ARHGEF10: variants seen among roughly 807,000 people sequenced by gnomAD.
The protein encoded by ARHGEF10 is Rho guanine nucleotide exchange factor (GEF) 10.
Under a neutral mutation model 147.4 loss-of-function variants are expected in ARHGEF10, and 140 were observed. The observed-to-expected ratio is 0.95, with a 90% CI of 0.83 to 1.09. The LOEUF (loss-of-function observed/expected upper bound fraction) is 1.09. Ranked by LOEUF, ARHGEF10 falls within the 50% of genes least tolerant of loss-of-function variation. The pLI is 0.00. For synonymous variants in ARHGEF10, 902 were observed against 695.8 expected (o/e 1.30, Z -4.67); for missense variants, 2,222 against 1,752.7 (o/e 1.27, Z -4.78).
At position 1,880,180 on chromosome 8, in the gene ARHGEF10, C is replaced by A. The variant is rs79597896; in HGVS notation, c.960+16C>A. On this transcript the variant is annotated intron_variant, in intron 9 of 28. Coordinates refer to ENST00000349830, the MANE Select transcript of ARHGEF10 (RefSeq NM_014629.4). Reference sequence around the variant, plus strand: ...TGAACTGAAGGTAGAGTCTTGCCCCCGGCCGCTGCCCCCACTTGCCAGCCG... The same window carrying A: ...TGAACTGAAGGTAGAGTCTTGCCCCAGGCCGCTGCCCCCACTTGCCAGCCG... 4 of 1,576,918 alleles carry A rather than the reference C, an allele frequency of 2.5e-6. No individual in the cohort carries two copies. The South Asian group carries it at 4.4e-5, about 17-fold the overall frequency.
At chr8:1,838,063 C>G (rs1323229483) in intron 1 of ARHGEF10, among the ~76,000 whole-genome samples, 2 of 152,194 alleles carry the variant, frequency 1.3e-5, no homozygotes, top group Non-Finnish European at 2.9e-5. Flanking sequence ...GTCTCCTCTT[C>G]GTATGGTGGA....
intron 5 of ARHGEF10, among the ~76,000 whole-genome samples, 187 bp downstream of exon 5, chr8:1,864,623 G>A (rs549212761): frequency 1.8e-4 from 28 of 152,370 alleles, no homozygotes; most frequent in African/African-American, 6.7e-4. Flanking sequence ...GTCAGGACGA[G>A]TGGACTGAGG....
rs1813670614 is a variant in ARHGEF10, at chr8:1,937,013, G to A, written c.3222+3071G>A. The stretch of plus-strand genomic sequence containing the variant: ...CTGGGTCCTGAGCCTCCTGGAGGCC[G>A]ACGCTCTGCCGTGGATCATGAATAG... On this transcript the variant is annotated intron_variant, in intron 26 of 28. Transcript: ENST00000349830. This position sits in a 1 kb window ranked among gnomAD's most constrained non-coding sequence, Gnocchi z 4.9. Among the ~76,000 whole-genome samples the A allele has an allele frequency of 6.6e-6, 1 of 152,216 alleles. No individual in the cohort carries two copies. Among genetic ancestry groups the A allele is most frequent in the South Asian group, 2.1e-4 (1 of 4,826 alleles).
intron 4 of ARHGEF10, 58 bp downstream of exon 4, chr8:1,860,242 GC>G (rs1563191174): frequency 6.6e-7 from 1 of 1,521,288 alleles, no homozygotes; most frequent in South Asian, 1.1e-5. Context: ...TCCTCTCCAC[GC>G]CCCCGAAGTG....
chr8:1,946,039 G>T, intron 27 of ARHGEF10: 1 of 375,666 alleles, frequency 2.7e-6, no homozygotes, highest in Non-Finnish European at 5.1e-6. Context: ...CCTCCCTTTG[G>T]CTGGGAGGGC....
intron 1 of ARHGEF10, chr8:1,825,980 A>G: frequency 4.2e-6 from 3 of 719,616 alleles, no homozygotes; most frequent in Non-Finnish European, 7.0e-6. Flanking sequence ...GAAAAGAGAG[A>G]TGATTACTGA....
At chr8:1,862,747 G>C (rs1806237598) in intron 4 of ARHGEF10, among the ~76,000 whole-genome samples, 1 of 151,290 alleles carries the variant, frequency 6.6e-6, no homozygotes, top group South Asian at 2.1e-4. Context: ...GTGGCTCTTT[G>C]GGTGTTTCTT....
chr8:1,842,798 C>G (rs927525945), intron 1 of ARHGEF10, among the ~76,000 whole-genome samples: 1 of 152,224 alleles, frequency 6.6e-6, no homozygotes, highest in African/African-American at 2.4e-5. Flanking sequence ...GGGAGGGAAA[C>G]ACGAAGTGTA....
intron 27 of ARHGEF10, among the ~76,000 whole-genome samples, chr8:1,949,232 C>G (rs1273159307): frequency 6.6e-6 from 1 of 152,204 alleles, no homozygotes; most frequent in Non-Finnish European, 1.5e-5. Flanking sequence ...TCTCAGCACG[C>G]TGGCCCCTGG....
chr8:1,917,863 C>T (rs1013003771), intron 18 of ARHGEF10, among the ~76,000 whole-genome samples: 3 of 152,138 alleles, frequency 2.0e-5, no homozygotes, highest in Non-Finnish European at 2.9e-5. Context: ...CAACCTCCAC[C>T]TCCTGGGTTC....
intron 2 of ARHGEF10, among the ~76,000 whole-genome samples, chr8:1,857,604 G>C (rs563450643): frequency 1.0e-3 from 154 of 151,948 alleles, no homozygotes; most frequent in Non-Finnish European, 1.8e-3. Flanking sequence ...ATTTTTAGTA[G>C]AGATGGGGTT....
At chr8:1,945,861 G>C (rs1242139828) in intron 27 of ARHGEF10, 5 of 863,014 alleles carry the variant, frequency 5.8e-6, no homozygotes, top group Non-Finnish European at 1.8e-6. Context: ...CCGGTGCAGG[G>C]CACAGGTCCT....
intron 1 of ARHGEF10, among the ~76,000 whole-genome samples, chr8:1,832,137 T>C (rs1012462239): frequency 1.3e-5 from 2 of 152,170 alleles, no homozygotes; most frequent in African/African-American, 4.8e-5. Flanking sequence ...TGCTGGTGCC[T>C]GTCGAAGGGG....
At chr8:1,901,303 C>T (rs1292771748) in intron 15 of ARHGEF10, among the ~76,000 whole-genome samples, 1 of 152,076 alleles carries the variant, frequency 6.6e-6, no homozygotes, top group Non-Finnish European at 1.5e-5. Flanking sequence ...CTGTCCCCTT[C>T]CTCCCAGTGA....
At chr8:1,854,855 C>T (rs1324170935) in intron 2 of ARHGEF10, among the ~76,000 whole-genome samples, 1 of 152,200 alleles carries the variant, frequency 6.6e-6, no homozygotes, top group Admixed American at 6.5e-5. Context: ...GGGCGGTGAG[C>T]AGAGGTGCCG....
At chr8:1,935,189 ACC>A (rs1283410868) in intron 26 of ARHGEF10, among the ~76,000 whole-genome samples, 1 of 151,650 alleles carries the variant, frequency 6.6e-6, no homozygotes, top group Non-Finnish European at 1.5e-5. Flanking sequence ...TTTTCCATGT[ACC>A]CCTCCTCCCA....
At position 1,925,369 on chromosome 8, in the gene ARHGEF10, A is replaced by G; in HGVS notation, c.2575A>G (p.Met859Val). The G allele has an allele frequency of 6.2e-7, 1 of 1,614,214 alleles. No individual in the cohort carries two copies. The highest frequency in any genetic ancestry group is 1.1e-5 in the South Asian group (1 of 91,084). ...KEKHPLLVGH[M>V]PVMVAKQQEF... Reference sequence around the variant, plus strand: ...GAAGCATCCTCTCCTCGTCGGACACATGCCCGTGATGGTGGCCAAGCAGCA... The same window carrying G: ...GAAGCATCCTCTCCTCGTCGGACACGTGCCCGTGATGGTGGCCAAGCAGCA... Residue 859 changes from methionine (M) to valine (V), a missense_variant, in exon 22 of 29, where the codon ATG becomes GTG. Coordinates refer to ENST00000349830, the MANE Select transcript of ARHGEF10 (RefSeq NM_014629.4).
At chr8:1,891,282 T>G (rs370655084) in intron 11 of ARHGEF10, among the ~76,000 whole-genome samples, 3 of 152,094 alleles carry the variant, frequency 2.0e-5, no homozygotes, top group Admixed American at 6.6e-5. Flanking sequence ...TCCATGAGAG[T>G]TTTCTCTTGA....
chr8:1,926,215 C>G (rs1209882575), intron 22 of ARHGEF10, among the ~76,000 whole-genome samples, 162 bp from the exon 23 acceptor site: 1 of 152,226 alleles, frequency 6.6e-6, no homozygotes, highest in Non-Finnish European at 1.5e-5. Flanking sequence ...GAGAGTTGTA[C>G]TTTTAAACTT....
Sources: allele counts gnomAD v4.1 joint callset (sites outside exome capture counted in the v4.1 genomes callset), GRCh38; gene constraint gnomAD v4.1.1; non-coding constraint Gnocchi (gnomAD v3.1); transcripts MANE v1.5; gene names NCBI Gene and HGNC (gene_info 2026-07-23, HGNC 2026-07-21).